SUGCT: variants seen among roughly 807,000 people sequenced by gnomAD.
The protein encoded by SUGCT is succinyl-CoA:glutarate CoA-transferase.
In SUGCT, 41 loss-of-function variants were observed where a neutral mutation model predicts 55.0. The ratio of observed to expected loss-of-function variants is 0.74; its 90% CI spans 0.58 to 0.97. The LOEUF (loss-of-function observed/expected upper bound fraction) is 0.97. Ranked by LOEUF, SUGCT falls within the 50% of genes least tolerant of loss-of-function variation. The pLI, the probability that SUGCT is intolerant of heterozygous loss-of-function variation, is 0.00. For synonymous variants in SUGCT, 187 were observed against 200.4 expected (o/e 0.93, Z 0.56); for missense variants, 568 against 547.8 (o/e 1.04, Z -0.37).
intron 12 of SUGCT, among the ~76,000 whole-genome samples, chr7:40,581,977 A>C (rs1448570990): frequency 6.6e-6 from 1 of 152,232 alleles, no homozygotes. Flanking sequence ...AGGAAACATA[A>C]AATAAAACAA....
chr7:40,282,198 T>C (rs1792996277), intron 8 of SUGCT, among the ~76,000 whole-genome samples: 1 of 152,004 alleles, frequency 6.6e-6, no homozygotes, highest in South Asian at 2.1e-4. Flanking sequence ...CCAGGTGCAG[T>C]GGCTCATGCA....
chr7:40,870,172 G>T, the SUGCT span, among the ~76,000 whole-genome samples: 1 of 152,092 alleles, frequency 6.6e-6, no homozygotes, highest in African/African-American at 2.4e-5. Flanking sequence ...GAGGCCAGAA[G>T]TCTTTGGATT....
chr7:40,894,277 C>A, the SUGCT span, among the ~76,000 whole-genome samples: 1 of 152,046 alleles, frequency 6.6e-6, no homozygotes, highest in African/African-American at 2.4e-5. Context: ...AACTGGCTAG[C>A]CATATGCAGA....
chr7:40,250,083 G>A (rs188701324), intron 7 of SUGCT, among the ~76,000 whole-genome samples: 13 of 151,984 alleles, frequency 8.6e-5, no homozygotes, highest in African/African-American at 2.4e-4. Context: ...CACTGCGCCC[G>A]GCTTAATTGG....
intron 12 of SUGCT, among the ~76,000 whole-genome samples, chr7:40,540,365 G>A (rs944760176): frequency 6.6e-6 from 1 of 152,234 alleles, no homozygotes; most frequent in Non-Finnish European, 1.5e-5. Context: ...AATAGTAACA[G>A]CTGGTATATT....
At chr7:40,583,923 A>T (rs1427229411) in intron 12 of SUGCT, among the ~76,000 whole-genome samples, 1 of 152,186 alleles carries the variant, frequency 6.6e-6, no homozygotes, top group African/African-American at 2.4e-5. Context: ...ACTTGCCAGG[A>T]TGCCTGCTTC....
chr7:40,855,262 T>G (rs1794112152), intron 13 of SUGCT, among the ~76,000 whole-genome samples: 1 of 150,832 alleles, frequency 6.6e-6, no homozygotes. Context: ...GTTGAAAAAT[T>G]TCTCCTCAAA....
At chr7:40,630,771 A>G (rs939899137) in intron 12 of SUGCT, among the ~76,000 whole-genome samples, 6 of 152,138 alleles carry the variant, frequency 3.9e-5, no homozygotes, top group Non-Finnish European at 7.3e-5. Context: ...AAATACTTTA[A>G]AAGTTGTATA....
chr7:40,873,730 T>C, the SUGCT span, among the ~76,000 whole-genome samples: 1 of 152,214 alleles, frequency 6.6e-6, no homozygotes, highest in African/African-American at 2.4e-5. Flanking sequence ...GTTGAAGATT[T>C]TGTGTTTGTT....
the SUGCT span, among the ~76,000 whole-genome samples, chr7:40,879,861 A>G: frequency 1.3e-5 from 2 of 152,184 alleles, no homozygotes; most frequent in Non-Finnish European, 1.5e-5. Context: ...CAGACATAAA[A>G]GGGCAAGAAA....
the SUGCT span, among the ~76,000 whole-genome samples, chr7:41,029,274 T>C: frequency 6.6e-6 from 1 of 152,186 alleles, no homozygotes; most frequent in Non-Finnish European, 1.5e-5. Flanking sequence ...ATAAAGACAA[T>C]GGGGCCTCGG....
chr7:40,176,472 G>T (rs1021028776), intron 1 of SUGCT, among the ~76,000 whole-genome samples: 2 of 151,968 alleles, frequency 1.3e-5, no homozygotes, highest in African/African-American at 2.4e-5. Context: ...AAAGTTTTAG[G>T]TATACTTGGT....
At chr7:40,702,336 G>A (rs1785202278) in intron 12 of SUGCT, among the ~76,000 whole-genome samples, 1 of 152,184 alleles carries the variant, frequency 6.6e-6, no homozygotes, top group Admixed American at 6.5e-5. Context: ...CTCCTAATGT[G>A]AAAGAAACTT....
At chr7:40,367,385 T>A (rs6462980) in intron 9 of SUGCT, among the ~76,000 whole-genome samples, 3 of 150,762 alleles carry the variant, frequency 2.0e-5, no homozygotes, top group African/African-American at 2.4e-5. Flanking sequence ...CCTGCACATT[T>A]TGCACCTATA....
intron 13 of SUGCT, among the ~76,000 whole-genome samples, chr7:40,772,857 T>C (rs1160338364): frequency 6.6e-6 from 1 of 151,984 alleles, no homozygotes; most frequent in Non-Finnish European, 1.5e-5. Flanking sequence ...ACTCCTGGGC[T>C]CAAGCAATCT....
intron 12 of SUGCT, among the ~76,000 whole-genome samples, chr7:40,706,400 G>A (rs764918203): frequency 5.9e-5 from 9 of 152,100 alleles, no homozygotes; most frequent in African/African-American, 9.7e-5. Flanking sequence ...CCATCTACTC[G>A]GGTGGCTAGG....
chr7:41,022,347 G>A, the SUGCT span, among the ~76,000 whole-genome samples: 1 of 152,034 alleles, frequency 6.6e-6, no homozygotes. Context: ...AGGATTCTGG[G>A]GTAGCTAAAC....
At chr7:40,395,161 C>G (rs966982877) in intron 9 of SUGCT, among the ~76,000 whole-genome samples, 1 of 152,068 alleles carries the variant, frequency 6.6e-6, no homozygotes, top group Non-Finnish European at 1.5e-5. Context: ...GTCCTGAACT[C>G]GCAGGATAGG....
intron 12 of SUGCT, among the ~76,000 whole-genome samples, chr7:40,640,698 A>C (rs969140982): frequency 2.6e-5 from 4 of 152,172 alleles, no homozygotes; most frequent in Non-Finnish European, 4.4e-5. Flanking sequence ...ACCCCCCACA[A>C]AATTCTTCTC....
Sources: gnomAD v4.1 joint callset for allele counts (sites outside exome capture counted in the v4.1 genomes callset) on GRCh38, gnomAD v4.1.1 for gene constraint, MANE v1.5 for transcripts, NCBI Gene and HGNC (gene_info 2026-07-23, HGNC 2026-07-21) for gene names.